Variants in SNTG1 observed in about 807,000 individuals in gnomAD.
The protein encoded by SNTG1 is syntrophin gamma 1.
Under a neutral mutation model 74.7 loss-of-function variants are expected in SNTG1, and 39 were observed. That is an observed-to-expected ratio of 0.52 (90% confidence interval 0.40 to 0.68). The LOEUF (loss-of-function observed/expected upper bound fraction) is 0.68. Ranked by LOEUF, SNTG1 falls within the 30% of genes least tolerant of loss-of-function variation. The pLI, the probability that SNTG1 is intolerant of heterozygous loss-of-function variation, is 0.00. For missense variants in SNTG1, 685 were observed against 609.5 expected (o/e 1.12, Z -1.30); for synonymous variants, 254 against 217.1 (o/e 1.17, Z -1.49).
chr8:50,754,361 G>T (rs1406768554), intron 18 of SNTG1, among the ~76,000 whole-genome samples: 2 of 151,816 alleles, frequency 1.3e-5, no homozygotes, highest in African/African-American at 2.4e-5. Flanking sequence ...TGCAAGGTTT[G>T]GGTATTGTCA....
chr8:50,142,587 C>A (rs2081703372), intron 1 of SNTG1, among the ~76,000 whole-genome samples: 1 of 151,686 alleles, frequency 6.6e-6, no homozygotes, highest in Non-Finnish European at 1.5e-5. Context: ...ATGTTGATAA[C>A]ATTGTAGTTA....
chr8:50,053,623 TTGTGTGTGTGTGTG>T (rs60947505), intron 1 of SNTG1, among the ~76,000 whole-genome samples: 12 of 134,460 alleles, frequency 8.9e-5, no homozygotes, highest in African/African-American at 3.2e-4. Context: ...ATATATATAA[TTGTGTGTGTGTGTG>T]TGTGTGTGTG....
chr8:50,645,012 G>A (rs572903351), intron 13 of SNTG1, among the ~76,000 whole-genome samples: 4 of 150,182 alleles, frequency 2.7e-5, no homozygotes, highest in South Asian at 2.1e-4. Context: ...CACCTTGGCC[G>A]CCCACAGTGC....
chr8:49,915,503 A>G (rs1291569292), intron 1 of SNTG1, among the ~76,000 whole-genome samples: 2 of 152,192 alleles, frequency 1.3e-5, no homozygotes, highest in Non-Finnish European at 1.5e-5. Context: ...GTGATATTCA[A>G]TGAAGGTGGA....
chr8:50,394,938 T>C (rs995213708), intron 3 of SNTG1, among the ~76,000 whole-genome samples: 1 of 152,056 alleles, frequency 6.6e-6, no homozygotes, highest in Non-Finnish European at 1.5e-5. Flanking sequence ...TTAAAAATGT[T>C]TTATATTTGT....
At chr8:50,647,275 A>G (rs1298275419) in intron 13 of SNTG1, among the ~76,000 whole-genome samples, 1 of 152,182 alleles carries the variant, frequency 6.6e-6, no homozygotes, top group Non-Finnish European at 1.5e-5. Flanking sequence ...ATGAGAATAC[A>G]GGCTACAGAC....
At chr8:50,504,789 AAAAT>A (rs1347709005) in intron 9 of SNTG1, among the ~76,000 whole-genome samples, 2 of 152,312 alleles carry the variant, frequency 1.3e-5, no homozygotes, top group East Asian at 3.9e-4. Flanking sequence ...ATAATTAATT[AAAAT>A]AAATAAATTG....
intron 8 of SNTG1, among the ~76,000 whole-genome samples, chr8:50,481,309 A>C (rs894949053): frequency 1.3e-5 from 2 of 152,162 alleles, no homozygotes; most frequent in Admixed American, 6.5e-5. Context: ...TGAACCCGGG[A>C]GACGGAGGTT....
intron 13 of SNTG1, among the ~76,000 whole-genome samples, chr8:50,610,157 C>G (rs1275344106): frequency 6.6e-6 from 1 of 152,170 alleles, no homozygotes; most frequent in Admixed American, 6.5e-5. Context: ...GCTGTAGGAT[C>G]TGTCTCCCTT....
chr8:50,002,997 A>G (rs573714608), intron 1 of SNTG1, among the ~76,000 whole-genome samples: 70 of 152,298 alleles, frequency 4.6e-4, no homozygotes, highest in South Asian at 1.0e-3. Context: ...AGCAAGTCAC[A>G]AAGTCCCACA....
intron 4 of SNTG1, among the ~76,000 whole-genome samples, chr8:50,407,357 C>A (rs572458192): frequency 2.0e-5 from 3 of 152,232 alleles, no homozygotes; most frequent in South Asian, 2.1e-4. Context: ...TATCTAGAAG[C>A]AATGCTCTGA....
intron 1 of SNTG1, among the ~76,000 whole-genome samples, chr8:50,076,052 A>G (rs995963681): frequency 1.3e-5 from 2 of 152,170 alleles, no homozygotes; most frequent in Admixed American, 6.6e-5. Context: ...TTGACCACAA[A>G]TCTTCAATTT....
chr8:50,757,665 T>A lies in SNTG1; in HGVS notation c.1395+5554T>A, dbSNP rs557278373. Among the ~76,000 whole-genome samples the A allele has an allele frequency of 1.1e-4, 17 of 152,086 alleles. No individual in the cohort carries two copies. In the South Asian group the frequency reaches 3.3e-3, roughly 30 times the overall value. On this transcript the variant is annotated intron_variant, in intron 18 of 18. Coordinates refer to ENST00000642720, the MANE Select transcript of SNTG1 (RefSeq NM_018967.5). Reference sequence around the variant, plus strand: ...TTTTAATAAGCACATTTAAGACCACTGATGTTAAAAATAATTTTTGATACA... The same window carrying A: ...TTTTAATAAGCACATTTAAGACCACAGATGTTAAAAATAATTTTTGATACA...
chr8:50,778,129 T>A (rs1305721411), intron 18 of SNTG1, among the ~76,000 whole-genome samples: 1 of 152,168 alleles, frequency 6.6e-6, no homozygotes, highest in Non-Finnish European at 1.5e-5. Flanking sequence ...TGCTTCCAAG[T>A]GTTTGCTATT....
chr8:50,180,615 C>A (rs1002174834), intron 2 of SNTG1, among the ~76,000 whole-genome samples: 6 of 152,042 alleles, frequency 3.9e-5, no homozygotes, highest in African/African-American at 1.4e-4. Flanking sequence ...TCCTATTATA[C>A]AAAACCCAAA....
intron 9 of SNTG1, among the ~76,000 whole-genome samples, chr8:50,521,472 G>T (rs2094179148): frequency 6.6e-6 from 1 of 152,052 alleles, no homozygotes; most frequent in African/African-American, 2.4e-5. Flanking sequence ...TCACTGATTT[G>T]CAGCTTTTTT....
chr8:50,644,442 C>A (rs1390874641), intron 13 of SNTG1: 1 of 152,152 alleles, frequency 6.6e-6, no homozygotes, highest in Non-Finnish European at 1.5e-5. Context: ...ATGATCCACT[C>A]CGACTTAATT....
At chr8:50,056,329 C>T (rs1236725421) in intron 1 of SNTG1, among the ~76,000 whole-genome samples, 1 of 152,074 alleles carries the variant, frequency 6.6e-6, no homozygotes, top group African/African-American at 2.4e-5. Context: ...TAGGATTGGC[C>T]TTAGGCACTT....
At chr8:50,726,974 T>C (rs2095501777) in intron 17 of SNTG1, among the ~76,000 whole-genome samples, 1 of 152,194 alleles carries the variant, frequency 6.6e-6, no homozygotes, top group Non-Finnish European at 1.5e-5. Context: ...CATTGAAAGA[T>C]GTTATGTAGC....
Sources: gnomAD v4.1 joint callset for allele counts (sites outside exome capture counted in the v4.1 genomes callset) on GRCh38, gnomAD v4.1.1 for gene constraint, MANE v1.5 for transcripts, NCBI Gene and HGNC (gene_info 2026-07-23, HGNC 2026-07-21) for gene names.